The following GXYLT2 variants were observed in gnomAD, a reference collection of about 807,000 sequenced individuals.
GXYLT2 encodes the protein glucoside xylosyltransferase 2, also known as glycosyltransferase 8 domain containing 4.
A neutral mutation model predicts 45.8 loss-of-function variants in GXYLT2; 53 were observed. The ratio of observed to expected loss-of-function variants is 1.16; its 90% CI spans 0.93 to 1.46. GXYLT2 has a LOEUF of 1.46. GXYLT2 is among the 40% of genes most tolerant of loss of function. GXYLT2 has a pLI of 0.00. For synonymous variants in GXYLT2, 219 were observed against 214.2 expected, an observed-to-expected ratio of 1.02 and a Z score of -0.19; for missense variants, 551 against 544.4, an observed-to-expected ratio of 1.01 and a Z score of -0.12.
At chr3:72,915,486 A>G (rs1709723250) in intron 2 of GXYLT2, among the ~76,000 whole-genome samples, 1 of 151,332 alleles carries the variant, frequency 6.6e-6, no homozygotes, top group South Asian at 2.1e-4. Flanking sequence ...ACGAGGGGTG[A>G]TGTGGGGGAG....
At chr3:72,900,015 G>C (rs1457898524) in intron 1 of GXYLT2, among the ~76,000 whole-genome samples, 1 of 152,180 alleles carries the variant, frequency 6.6e-6, no homozygotes, top group Non-Finnish European at 1.5e-5. Flanking sequence ...AGGTTCACCT[G>C]AGTTAATTTA....
rs375506388 is a variant in GXYLT2, at chr3:72,956,922, AAGGG to A, written c.853-289_853-286del. Among the ~76,000 whole-genome samples the A allele has an allele frequency of 4.8e-3, 642 of 134,044 alleles. 7 individuals carry two copies. Among genetic ancestry groups the A allele is most frequent in the African/African-American group, 0.016 (598 of 36,684 alleles). The allele number at this position is 134,044 out of a possible 152,430, so 87.9% of individuals were successfully genotyped here. A position where few individuals can be genotyped will look rare whatever the true frequency, so the allele number is the denominator to read the frequency against. On this transcript the variant is annotated intron_variant, in intron 4 of 6. Transcript: ENST00000389617. Reference sequence around the variant, plus strand: ...AAACAAAAACAAAAACACAGGAAGGAAGGGAGGGAGGGAGGGAGGGAAGAGAAGA... The same window carrying A: ...AAACAAAAACAAAAACACAGGAAGGAAGGGAGGGAGGGAGGGAAGAGAAGA...
intron 2 of GXYLT2, among the ~76,000 whole-genome samples, chr3:72,910,145 T>C (rs1709590166): frequency 6.6e-6 from 1 of 152,150 alleles, no homozygotes; most frequent in African/African-American, 2.4e-5. Flanking sequence ...TGAGAATATA[T>C]AGCATTTGTT....
chr3:72,970,537 G>A (rs1020335207), intron 6 of GXYLT2, among the ~76,000 whole-genome samples: 1 of 151,888 alleles, frequency 6.6e-6, no homozygotes, highest in African/African-American at 2.4e-5. Context: ...CATTTGCTAG[G>A]GAGAGTCCTG....
chr3:72,902,945 A>G (rs1331463623), intron 1 of GXYLT2, among the ~76,000 whole-genome samples: 1 of 152,174 alleles, frequency 6.6e-6, no homozygotes, highest in Non-Finnish European at 1.5e-5. Flanking sequence ...CCTGGGAGAT[A>G]GAGTTGCAGT....
chr3:72,890,496 ACAGGTAAC>A (rs1709162797), intron 1 of GXYLT2, among the ~76,000 whole-genome samples: 1 of 152,258 alleles, frequency 6.6e-6, no homozygotes, highest in African/African-American at 2.4e-5. Flanking sequence ...TCCAAGGTTC[ACAGGTAAC>A]CTGGTAGAGA....
chr3:72,905,075 AAAAAAAAAAAAAAGGAAAG>A (rs1290225652), intron 1 of GXYLT2, among the ~76,000 whole-genome samples: 1 of 149,488 alleles, frequency 6.7e-6, no homozygotes, highest in African/African-American at 2.5e-5. Context: ...AAAAAAAAAA[AAAAAAAAAAAAAAGGAAAG>A]AAAAGAAAAA....
chr3:72,958,518 G>T (rs567604111), intron 5 of GXYLT2, among the ~76,000 whole-genome samples: 1 of 151,684 alleles, frequency 6.6e-6, no homozygotes, highest in African/African-American at 2.4e-5. Flanking sequence ...GGATCAAAAA[G>T]GATCAAATCC....
At chr3:72,928,082 C>A (rs1001545875) in intron 3 of GXYLT2, among the ~76,000 whole-genome samples, 1 of 152,186 alleles carries the variant, frequency 6.6e-6, no homozygotes, top group Non-Finnish European at 1.5e-5. Flanking sequence ...AATGATTGCT[C>A]AAAGCAGCCT....
At chr3:72,956,889 CAAAACAAAAACA>C (rs530195344) in intron 4 of GXYLT2, among the ~76,000 whole-genome samples, 1 of 57,424 alleles carries the variant, frequency 1.7e-5, no homozygotes, top group African/African-American at 6.4e-5. Flanking sequence ...GACTCTGTCT[CAAAACAAAAACA>C]AAAACAAAAA....
chr3:72,976,467 T>C lies in GXYLT2; in HGVS notation c.*1308T>C, dbSNP rs891670955. ...TCAAATTTAATGTGTAAAAAACAAA[T>C]AGTTCAGCTGCTTCTATTGGTAAGA... On this transcript the variant is annotated 3_prime_UTR_variant, in exon 7 of 7. Coordinates refer to ENST00000389617, the MANE Select transcript of GXYLT2 (RefSeq NM_001080393.2). The C allele has an allele frequency of 6.6e-6, 1 of 152,164 alleles. No homozygotes were observed. Among genetic ancestry groups the C allele is most frequent in the African/African-American group, 2.4e-5 (1 of 41,440 alleles). The allele number at this position is 152,164 out of a possible 1,614,324, so 9.4% of individuals were successfully genotyped here.
At chr3:72,902,694 T>A (rs1351744688) in intron 1 of GXYLT2, among the ~76,000 whole-genome samples, 4 of 150,298 alleles carry the variant, frequency 2.7e-5, no homozygotes, top group African/African-American at 9.9e-5. Context: ...ATAAATAAAA[T>A]AAATAAGAAA....
chr3:72,895,241 G>A (rs764549418), intron 1 of GXYLT2, among the ~76,000 whole-genome samples: 3 of 152,172 alleles, frequency 2.0e-5, no homozygotes, highest in Non-Finnish European at 2.9e-5. Context: ...GGGGTAGGGC[G>A]GAGTGGGGTC....
intron 3 of GXYLT2, among the ~76,000 whole-genome samples, chr3:72,948,355 C>T (rs1196605316): frequency 2.6e-5 from 4 of 152,126 alleles, no homozygotes; most frequent in Non-Finnish European, 5.9e-5. Context: ...CAAGATAGGC[C>T]GTATCCTGGG....
Position 72,888,501 on chromosome 3 carries a change from T to G in GXYLT2, c.268T>G (p.Leu90Val). 1 of 1,238,376 alleles carries G rather than the reference T, an allele frequency of 8.1e-7. No individual in the cohort carries two copies. Among genetic ancestry groups the G allele is most frequent in the Non-Finnish European group, 1.0e-6 (1 of 988,502 alleles). 76.7% of individuals were successfully genotyped at this position (1,238,376 alleles called of 1,614,324 possible). A position where few individuals can be genotyped will look rare whatever the true frequency, so the allele number is the denominator to read the frequency against. ...GRRGAARLEKLARRPGEPRSF... is the reference protein window; with the variant it reads ...GRRGAARLEKVARRPGEPRSF... ...CCGGGGCGCTGCGAGACTGGAGAAG[T>G]TGGCGAGGTGAGTCGTGGCAACCCC... Residue 90 changes from leucine (L) to valine (V), a missense_variant, in exon 1 of 7, where the codon TTG becomes GTG. Coordinates refer to ENST00000389617, the MANE Select transcript of GXYLT2 (RefSeq NM_001080393.2).
chr3:72,895,959 A>G (rs1407442983), intron 1 of GXYLT2, among the ~76,000 whole-genome samples: 1 of 152,242 alleles, frequency 6.6e-6, no homozygotes, highest in Non-Finnish European at 1.5e-5. Context: ...AATCCAAAAT[A>G]TGGCTCTCTT....
At chr3:72,933,114 T>TATA (rs1183327435) in intron 3 of GXYLT2, among the ~76,000 whole-genome samples, 1 of 149,714 alleles carries the variant, frequency 6.7e-6, no homozygotes, top group African/African-American at 2.5e-5. Context: ...TTTTTATTAT[T>TATA]ATACCTATTT....
At chr3:72,908,340 G>T in intron 1 of GXYLT2, 27 bp from the exon 2 acceptor site, 1 of 1,550,338 alleles carries the variant, frequency 6.5e-7, no homozygotes, top group South Asian at 1.2e-5. Flanking sequence ...TTTAGTAATA[G>T]CTTTCACTTG....
rs547888503 is a variant in GXYLT2, at chr3:72,965,608, G to A, written c.977-1939G>A. On this transcript the variant is annotated intron_variant, in intron 5 of 6. Coordinates refer to ENST00000389617, the MANE Select transcript of GXYLT2 (RefSeq NM_001080393.2). Reference sequence around the variant, plus strand: ...AATTGTATAATTCTGGTCACCAAGAGGAAATTTTCTGAATCCAATAGGATT... The same window carrying A: ...AATTGTATAATTCTGGTCACCAAGAAGAAATTTTCTGAATCCAATAGGATT... 6.5e-4 allele frequency among the ~76,000 whole-genome samples: 99 copies of A among 152,288 alleles called. 1 individual carries two copies. The highest frequency in any genetic ancestry group is 3.4e-3 in the Middle Eastern group (1 of 294).
Sources: allele counts gnomAD v4.1 joint callset (sites outside exome capture counted in the v4.1 genomes callset), GRCh38; gene constraint gnomAD v4.1.1; transcripts MANE v1.5; gene names NCBI Gene and HGNC (gene_info 2026-07-23, HGNC 2026-07-21).